Variants in SLC24A3 observed in about 807,000 individuals in gnomAD.
SLC24A3 encodes sodium/potassium/calcium exchanger 3.
A neutral mutation model predicts 75.8 loss-of-function variants in SLC24A3; 28 were observed. The ratio of observed to expected loss-of-function variants is 0.37; its 90% CI spans 0.27 to 0.51. The LOEUF is 0.51. Ranked by LOEUF, SLC24A3 falls within the 20% of genes least tolerant of loss-of-function variation. The pLI, the probability that SLC24A3 is intolerant of heterozygous loss-of-function variation, is 0.94. For missense variants in SLC24A3, 663 were observed against 847.8 expected (o/e 0.78, Z 2.71); for synonymous variants, 372 against 334.1 (o/e 1.11, Z -1.24).
At chr20:19,333,640 T>A (rs1016396107) in intron 2 of SLC24A3, among the ~76,000 whole-genome samples, 3 of 150,316 alleles carry the variant, frequency 2.0e-5, no homozygotes, top group Non-Finnish European at 3.0e-5. Flanking sequence ...TGTGTGTGTG[T>A]GAGTGTGTGT....
chr20:19,665,972 G>T, intron 8 of SLC24A3, 83 bp downstream of exon 8: 1 of 1,448,376 alleles, frequency 6.9e-7, no homozygotes, highest in East Asian at 2.3e-5. Flanking sequence ...TGGGATTCAA[G>T]AAAGAAAGGG....
intron 1 of SLC24A3, among the ~76,000 whole-genome samples, chr20:19,273,954 A>T (rs1027858185): frequency 1.1e-4 from 17 of 151,168 alleles, no homozygotes; most frequent in African/African-American, 4.1e-4. Flanking sequence ...CCAATAGGAC[A>T]GGCCTCCCTT....
chr20:19,578,642 C>T (rs1285661719), intron 3 of SLC24A3, among the ~76,000 whole-genome samples: 1 of 151,894 alleles, frequency 6.6e-6, no homozygotes, highest in Non-Finnish European at 1.5e-5. Context: ...CGACTCCCAT[C>T]CTGAGGAGCA....
chr20:19,670,695 G>A lies in SLC24A3; in HGVS notation c.714-2906G>A, dbSNP rs374887691. 3.9e-5 allele frequency among the ~76,000 whole-genome samples: 6 copies of A among 152,302 alleles called. No homozygotes were observed. The East Asian group carries it at 1.2e-3, about 29-fold the overall frequency. Reference sequence around the variant, plus strand: ...TGTTCCTTCCAAATGAATGGGCTGTGAATAAATCTCACTTTTCACCATGAA... The same window carrying A: ...TGTTCCTTCCAAATGAATGGGCTGTAAATAAATCTCACTTTTCACCATGAA... On this transcript the variant is annotated intron_variant, in intron 8 of 16. Coordinates refer to ENST00000328041, the MANE Select transcript of SLC24A3 (RefSeq NM_020689.4).
rs545648264 is a variant in SLC24A3 at position 19,337,706 on chromosome 20, G to A, written c.271+56619G>A. On this transcript the variant is annotated intron_variant, in intron 2 of 16. Coordinates refer to ENST00000328041, the MANE Select transcript of SLC24A3 (RefSeq NM_020689.4). ...TTTCTAACGCTAAGCATTTACTATG[G>A]CTTATGAGTCCATAGGTCAGCTGGG... Among the ~76,000 whole-genome samples the A allele has an allele frequency of 2.4e-3, 371 of 152,184 alleles. 3 individuals are homozygous for A. The highest frequency in any genetic ancestry group is 8.7e-3 in the African/African-American group (363 of 41,526).
At chr20:19,619,233 CTTGGT>C (rs1339263869) in intron 6 of SLC24A3, among the ~76,000 whole-genome samples, 2 of 152,130 alleles carry the variant, frequency 1.3e-5, no homozygotes, top group African/African-American at 2.4e-5. Context: ...TGGCTTTCTC[CTTGGT>C]TTGCTCTCTC....
intron 6 of SLC24A3, among the ~76,000 whole-genome samples, chr20:19,643,260 T>C (rs2032096625): frequency 6.6e-6 from 1 of 152,212 alleles, no homozygotes; most frequent in Non-Finnish European, 1.5e-5. Context: ...CCCACATTTT[T>C]AAACGCATGC....
At chr20:19,544,783 T>G (rs1334172345) in intron 3 of SLC24A3, among the ~76,000 whole-genome samples, 1 of 152,162 alleles carries the variant, frequency 6.6e-6, no homozygotes, top group Non-Finnish European at 1.5e-5. Flanking sequence ...AAAATGGACC[T>G]GACAACCCAG....
chr20:19,609,571 C>T (rs1260390563), intron 6 of SLC24A3, among the ~76,000 whole-genome samples: 1 of 152,050 alleles, frequency 6.6e-6, no homozygotes, highest in East Asian at 1.9e-4. Context: ...TCCCCTTGCC[C>T]CCCACCTCCA....
intron 2 of SLC24A3, among the ~76,000 whole-genome samples, chr20:19,325,747 TGTGTGTATAC>T (rs201886878): frequency 0.042 from 5,586 of 134,120 alleles, 475 homozygotes; most frequent in African/African-American, 0.15. Context: ...TGTGTGTGTG[TGTGTGTATAC>T]ATACATACAT....
At chr20:19,354,745 T>G (rs565920561) in intron 2 of SLC24A3, among the ~76,000 whole-genome samples, 1 of 152,128 alleles carries the variant, frequency 6.6e-6, no homozygotes, top group Non-Finnish European at 1.5e-5. Context: ...CTAGAGTGGC[T>G]TAAGTTTAAA....
chr20:19,331,884 G>A (rs909670041), intron 2 of SLC24A3, among the ~76,000 whole-genome samples: 2 of 152,212 alleles, frequency 1.3e-5, no homozygotes, highest in Non-Finnish European at 2.9e-5. Flanking sequence ...TCGATGGGAG[G>A]CGTCCTTTGG....
chr20:19,537,490 C>G (rs1600271275), intron 3 of SLC24A3, among the ~76,000 whole-genome samples: 1 of 152,142 alleles, frequency 6.6e-6, no homozygotes, highest in Non-Finnish European at 1.5e-5. Context: ...GGATCTAGAA[C>G]TAGAAATACC....
intron 2 of SLC24A3, among the ~76,000 whole-genome samples, chr20:19,465,359 G>A (rs1434767681): frequency 1.3e-5 from 2 of 150,364 alleles, no homozygotes; most frequent in Non-Finnish European, 3.0e-5. Flanking sequence ...ATTTGGAAGA[G>A]TTACCCCAGC....
At chr20:19,270,073 G>A (rs544696466) in intron 1 of SLC24A3, among the ~76,000 whole-genome samples, 1 of 152,154 alleles carries the variant, frequency 6.6e-6, no homozygotes, top group Non-Finnish European at 1.5e-5. Context: ...CCCTGGGATT[G>A]CTTGGAGCTA....
intron 12 of SLC24A3, among the ~76,000 whole-genome samples, chr20:19,691,430 A>G (rs146953065): frequency 2.3e-3 from 353 of 152,328 alleles, no homozygotes; most frequent in African/African-American, 7.9e-3. Flanking sequence ...AGGTGCGGCA[A>G]AATCAGGCAG....
chr20:19,547,113 T>C (rs1230268827), intron 3 of SLC24A3, among the ~76,000 whole-genome samples: 1 of 152,238 alleles, frequency 6.6e-6, no homozygotes, highest in Admixed American at 6.5e-5. Context: ...CATGTAATTA[T>C]ACATTGTGGC....
At chr20:19,634,743 T>C (rs996942367) in intron 6 of SLC24A3, among the ~76,000 whole-genome samples, 1 of 151,892 alleles carries the variant, frequency 6.6e-6, no homozygotes, top group Non-Finnish European at 1.5e-5. Context: ...TGGGTGGGGA[T>C]AGATGAGGTG....
At chr20:19,509,566 C>T (rs1471600921) in intron 2 of SLC24A3, among the ~76,000 whole-genome samples, 1 of 152,222 alleles carries the variant, frequency 6.6e-6, no homozygotes, top group Non-Finnish European at 1.5e-5. Flanking sequence ...CCCACACACA[C>T]CTGCAAGGCA....
Sources: gnomAD v4.1 joint callset for allele counts (sites outside exome capture counted in the v4.1 genomes callset) on GRCh38, gnomAD v4.1.1 for gene constraint, MANE v1.5 for transcripts, NCBI Gene and HGNC (gene_info 2026-07-23, HGNC 2026-07-21) for gene names.